Variants in LINGO1 observed in about 807,000 individuals in gnomAD.
LINGO1 encodes the protein leucine rich repeat and Ig domain containing 1.
LINGO1 carries 11 observed loss-of-function variants against 37.3 expected under a neutral mutation model. That is an observed-to-expected ratio of 0.29 (90% confidence interval 0.19 to 0.49). The LOEUF is 0.49. Among genes scored for constraint, LINGO1 ranks in the 20% least tolerant of loss-of-function variants. The probability of loss-of-function intolerance (pLI) is 0.99; values close to 1 mark genes in which losing one functional copy is unlikely to be tolerated. For missense variants in LINGO1, 585 were observed against 878.2 expected (o/e 0.67, Z 4.22); for synonymous variants, 387 against 403.0 (o/e 0.96, Z 0.48).
chr15:77,686,332 G>A (rs1567521293), intron 2 of LINGO1, among the ~76,000 whole-genome samples: 1 of 152,188 alleles, frequency 6.6e-6, no homozygotes, highest in Non-Finnish European at 1.5e-5. Flanking sequence ...TCCCGCCGAT[G>A]CTCAGGCTAT....
chr15:77,752,657 G>A (rs2076383338), intron 1 of LINGO1, among the ~76,000 whole-genome samples: 1 of 152,234 alleles, frequency 6.6e-6, no homozygotes, highest in African/African-American at 2.4e-5. Context: ...CTAGGTAAGG[G>A]AGGGAAGGAG....
At chr15:77,767,688 T>C (rs1361703143) in intron 1 of LINGO1, among the ~76,000 whole-genome samples, 1 of 151,874 alleles carries the variant, frequency 6.6e-6, no homozygotes, top group African/African-American at 2.4e-5. Context: ...TTGAGAGGAG[T>C]TGTACTCAAC....
chr15:77,816,992 GAAA>G (rs2077053540), intron 1 of LINGO1, among the ~76,000 whole-genome samples: 1 of 149,382 alleles, frequency 6.7e-6, no homozygotes, highest in Admixed American at 6.7e-5. Flanking sequence ...AGAGAGAGAA[GAAA>G]AAAACAATGG....
At chr15:77,735,183 G>A (rs977127794) in intron 1 of LINGO1, 1 of 151,412 alleles carries the variant, frequency 6.6e-6, no homozygotes, top group Non-Finnish European at 1.5e-5. Flanking sequence ...GATAGAGCAG[G>A]AGGAGACCTG....
At chr15:77,661,558 C>T (rs554630374) in intron 3 of LINGO1, among the ~76,000 whole-genome samples, 10 of 152,316 alleles carry the variant, frequency 6.6e-5, no homozygotes, top group South Asian at 2.1e-4. Context: ...TGAGACTCAG[C>T]GCCAGACACT....
chr15:77,798,228 T>C (rs1487601259), intron 1 of LINGO1, among the ~76,000 whole-genome samples: 3 of 152,120 alleles, frequency 2.0e-5, no homozygotes, highest in African/African-American at 7.2e-5. Flanking sequence ...CAGGCCCGGG[T>C]ACCCCAAGCC....
chr15:77,776,782 G>T (rs1251880023), intron 1 of LINGO1, among the ~76,000 whole-genome samples: 1 of 152,190 alleles, frequency 6.6e-6, no homozygotes, highest in Non-Finnish European at 1.5e-5. Flanking sequence ...CAAGGCCAGA[G>T]GGTTAAGAGC....
At chr15:77,774,432 C>T (rs2076616710) in intron 1 of LINGO1, among the ~76,000 whole-genome samples, 1 of 152,156 alleles carries the variant, frequency 6.6e-6, no homozygotes, top group African/African-American at 2.4e-5. Flanking sequence ...ACTCCCAGCC[C>T]CCAGACACCA....
chr15:77,614,336 T>C lies in LINGO1; in HGVS notation c.1571A>G (p.Gln524Arg). 1.9e-6 allele frequency: 3 copies of C among 1,613,956 alleles called. No individual in the cohort carries two copies. The highest frequency in any genetic ancestry group is 2.5e-6 in the Non-Finnish European group (3 of 1,179,886). ...VRSYSPDWPH[Q>R]PNKTFAFISN... ...GATGAAAGCGAAGGTCTTGTTGGGCTGATGGGGCCAGTCGGGCGAGTAGCT... is the reference window on the plus strand; with the variant it reads ...GATGAAAGCGAAGGTCTTGTTGGGCCGATGGGGCCAGTCGGGCGAGTAGCT... The change falls in exon 2 of 2, where the codon CAG (glutamine) becomes CGG (arginine). Residue 524 changes from glutamine (Q) to arginine (R), a missense_variant. Around this residue, in one of 4 missense-constraint regions of LINGO1, gnomAD observed 484 missense variants for 735.0 expected, o/e 0.66. Transcript: ENST00000355300.
intron 2 of LINGO1, among the ~76,000 whole-genome samples, chr15:77,703,459 A>C (rs2075810394): frequency 6.6e-6 from 1 of 152,094 alleles, no homozygotes; most frequent in Admixed American, 6.5e-5. Flanking sequence ...CTCCACTACT[A>C]ACACACTTTG....
chr15:77,615,410 A>G lies in LINGO1; in HGVS notation c.497T>C (p.Leu166Pro). ...VILLDYMFQD[L>P]YNLKSLEVGD... ...AACCTCCAGTGACTTGAGGTTGTAC[A>G]GGTCCTGAAACATGTAGTCCAGTAG... Residue 166 changes from leucine (L) to proline (P), a missense_variant, in exon 2 of 2, where the codon CTG becomes CCG. This residue lies in a region of LINGO1 where 484 missense variants were observed against 735.0 expected (regional missense o/e 0.66). Transcript: ENST00000355300. 1 of 1,614,050 alleles carries G rather than the reference A, an allele frequency of 6.2e-7. No homozygotes were observed. Among genetic ancestry groups the G allele is most frequent in the Non-Finnish European group, 8.5e-7 (1 of 1,179,900 alleles).
At chr15:77,703,207 C>T (rs151189123) in intron 2 of LINGO1, among the ~76,000 whole-genome samples, 1 of 152,332 alleles carries the variant, frequency 6.6e-6, no homozygotes, top group East Asian at 1.9e-4. Context: ...CCTCCTGGAA[C>T]TTCACTTAAA....
intron 2 of LINGO1, among the ~76,000 whole-genome samples, chr15:77,730,443 C>T (rs2076143336): frequency 6.6e-6 from 1 of 152,212 alleles, no homozygotes; most frequent in African/African-American, 2.4e-5. Context: ...AAACCAGGTT[C>T]TCAGTAGCTA....
Position 77,758,441 on chromosome 15 carries a change from C to A in LINGO1, c.-256-23388G>T, listed in dbSNP as rs145824709. Among the ~76,000 whole-genome samples the A allele has an allele frequency of 3.0e-3, 452 of 152,278 alleles. 2 individuals carry two copies. Among genetic ancestry groups the A allele is most frequent in the African/African-American group, 0.01 (436 of 41,544 alleles). On this transcript the variant is annotated intron_variant, in intron 1 of 3. Coordinates refer to the LINGO1 transcript ENST00000561686. ...CTTGGGTATTTCCTCTACCCTGTGG[C>A]CCATCTGCAAGCTCTGAGAGGAGAA...
intron 1 of LINGO1, among the ~76,000 whole-genome samples, chr15:77,754,235 A>G (rs1011117201): frequency 1.5e-5 from 2 of 131,658 alleles, no homozygotes; most frequent in Non-Finnish European, 3.2e-5. Context: ...AGAGGAAAGG[A>G]GGAAGGGAGG....
intron 2 of LINGO1, among the ~76,000 whole-genome samples, chr15:77,690,533 G>C (rs923807357): frequency 2.6e-5 from 4 of 152,208 alleles, no homozygotes; most frequent in Admixed American, 6.5e-5. Context: ...AAATACTTTA[G>C]TTACAAGAGC....
At chr15:77,757,144 C>CA (rs1375871076) in intron 1 of LINGO1, among the ~76,000 whole-genome samples, 17 of 152,230 alleles carry the variant, frequency 1.1e-4, no homozygotes. Context: ...CCACCAGTGT[C>CA]AGTGTCCCTG....
chr15:77,795,234 C>T (rs1440451097), intron 2 of LINGO1, among the ~76,000 whole-genome samples: 1 of 152,144 alleles, frequency 6.6e-6, no homozygotes. Context: ...CAGGCAGCAA[C>T]CCAGGTCCCC....
intron 1 of LINGO1, among the ~76,000 whole-genome samples, chr15:77,623,873 GTGTC>G (rs1157801927): frequency 6.7e-6 from 1 of 148,692 alleles, no homozygotes; most frequent in Non-Finnish European, 1.5e-5. Context: ...GTGTGTGTGT[GTGTC>G]TGTGTGTGAG....
Sources: gnomAD v4.1 joint callset for allele counts (sites outside exome capture counted in the v4.1 genomes callset) on GRCh38, gnomAD v4.1.1 for gene constraint, gnomAD v4.1.1 regional missense constraint, MANE v1.5 for transcripts, NCBI Gene and HGNC (gene_info 2026-07-23, HGNC 2026-07-21) for gene names.